DCLK2: variants seen among roughly 807,000 people sequenced by gnomAD.
DCLK2 encodes doublecortin like kinase 2.
DCLK2 carries 31 observed loss-of-function variants against 78.4 expected under a neutral mutation model. That is an observed-to-expected ratio of 0.40 (90% CI 0.30 to 0.53). The LOEUF is 0.53. Among genes scored for constraint, DCLK2 ranks in the 20% least tolerant of loss-of-function variants. DCLK2 has a pLI of 0.61. For synonymous variants in DCLK2, 407 were observed against 374.9 expected, an observed-to-expected ratio of 1.09 and a Z score of -0.99; for missense variants, 872 against 973.7, an observed-to-expected ratio of 0.90 and a Z score of 1.39.
At position 150,218,204 on chromosome 4, in the gene DCLK2, G is replaced by A. The variant is rs369415095; in HGVS notation, c.1057-2499G>A. On this transcript the variant is annotated intron_variant, in intron 5 of 15. Coordinates refer to ENST00000296550, the MANE Select transcript of DCLK2 (RefSeq NM_001040260.4). The stretch of plus-strand genomic sequence containing the variant: ...GCTTCCATCACTTGTCCTGTTTCCT[G>A]GTCTCTTTCCCTGCTCCATGTCACC... Among the ~76,000 whole-genome samples, 36 of 150,070 alleles carry A rather than the reference G, an allele frequency of 2.4e-4. No individual in the cohort carries two copies. The East Asian group carries it at 4.9e-3, about 21-fold the overall frequency.
chr4:150,098,326 A>C (rs999187993), intron 1 of DCLK2, among the ~76,000 whole-genome samples: 3 of 152,190 alleles, frequency 2.0e-5, no homozygotes, highest in African/African-American at 7.2e-5. Context: ...ATAAAGTCTT[A>C]GAGTGACTTC....
chr4:150,216,184 T>C (rs1454374131), intron 5 of DCLK2, among the ~76,000 whole-genome samples: 1 of 152,208 alleles, frequency 6.6e-6, no homozygotes, highest in Non-Finnish European at 1.5e-5. Flanking sequence ...ATCAAAGAAG[T>C]TTACCATAGG....
chr4:150,092,093 A>G (rs772528916), intron 1 of DCLK2, among the ~76,000 whole-genome samples: 2 of 152,184 alleles, frequency 1.3e-5, no homozygotes, highest in Non-Finnish European at 2.9e-5. Context: ...TTCATTTAAC[A>G]TAATGTCCCC....
intron 7 of DCLK2, among the ~76,000 whole-genome samples, chr4:150,223,743 C>CAATA (rs59076501): frequency 0.51 from 75,369 of 146,740 alleles, 20,588 homozygotes; most frequent in Non-Finnish European, 0.63. Context: ...GACTCTCTCT[C>CAATA]AATAAATAAA....
Position 150,239,797 on chromosome 4 carries a change from C to A in DCLK2, c.1622C>A (p.Ala541Glu). ...TTGAAACTGGGAGACTTTGGGCTTG[C>A]GACTGTGGTAGAAGGCCCTTTATAC... Reference protein sequence around the residue: ...KSLKLGDFGLATVVEGPLYTV... With the variant: ...KSLKLGDFGLETVVEGPLYTV... Residue 541 changes from alanine (A) to glutamate (E), a missense_variant, in exon 11 of 16, where the codon GCG becomes GAG. By Grantham distance (107) the Ala-to-Glu change is moderately radical (BLOSUM62 -1). This residue lies in a region of DCLK2 where 86 missense variants were observed against 150.3 expected (regional missense o/e 0.57). Coordinates refer to ENST00000296550, the MANE Select transcript of DCLK2 (RefSeq NM_001040260.4). The A allele has an allele frequency of 1.2e-6, 2 of 1,614,160 alleles. No individual in the cohort carries two copies. The highest frequency in any genetic ancestry group is 1.7e-6 in the Non-Finnish European group (2 of 1,180,024).
chr4:150,183,057 T>C (rs1360620863), intron 2 of DCLK2, among the ~76,000 whole-genome samples: 1 of 152,186 alleles, frequency 6.6e-6, no homozygotes, highest in African/African-American at 2.4e-5. Context: ...ATACTCCTGA[T>C]ATCTATCTTC....
chr4:150,219,717 GTTACTACCTCCATT>G (rs1415093719), intron 5 of DCLK2, among the ~76,000 whole-genome samples: 1 of 152,202 alleles, frequency 6.6e-6, no homozygotes, highest in East Asian at 1.9e-4. Flanking sequence ...GTTGGGCACT[GTTACTACCTCCATT>G]TTTAGGGGAG....
intron 2 of DCLK2, among the ~76,000 whole-genome samples, chr4:150,169,059 G>A (rs536211411): frequency 1.6e-5 from 2 of 126,982 alleles, no homozygotes; most frequent in South Asian, 2.4e-4. Context: ...CCCACCCCCC[G>A]TAATTCCTTG....
Position 150,177,786 on chromosome 4 carries a change from C to G in DCLK2, c.757-15352C>G, listed in dbSNP as rs541738964. 5.3e-5 allele frequency among the ~76,000 whole-genome samples: 8 copies of G among 152,180 alleles called. No individual in the cohort carries two copies. The East Asian group carries it at 1.5e-3, about 29-fold the overall frequency. On this transcript the variant is annotated intron_variant, in intron 2 of 15. Coordinates refer to ENST00000296550, the MANE Select transcript of DCLK2 (RefSeq NM_001040260.4). ...ACTTACATAAAAGTTTTGAAACATA[C>G]CAAATAATATTCCTGGTTGTCTGTG...
intron 2 of DCLK2, among the ~76,000 whole-genome samples, chr4:150,125,832 A>G (rs1386181702): frequency 6.6e-6 from 1 of 152,114 alleles, no homozygotes; most frequent in African/African-American, 2.4e-5. Flanking sequence ...CGGAGGTTGC[A>G]GTGAGCTGAG....
At chr4:150,138,697 C>T (rs1733876377) in intron 2 of DCLK2, among the ~76,000 whole-genome samples, 1 of 152,040 alleles carries the variant, frequency 6.6e-6, no homozygotes, top group Admixed American at 6.6e-5. Flanking sequence ...GATGGAGTCT[C>T]ACTCTGTCAC....
chr4:150,125,342 T>C (rs1732845502), intron 2 of DCLK2, among the ~76,000 whole-genome samples: 1 of 151,962 alleles, frequency 6.6e-6, no homozygotes, highest in African/African-American at 2.4e-5. Flanking sequence ...GAATATGTTA[T>C]GTAGTATAAT....
At chr4:150,213,498 C>A (rs1580728643) in intron 5 of DCLK2, among the ~76,000 whole-genome samples, 2 of 152,086 alleles carry the variant, frequency 1.3e-5, no homozygotes, top group African/African-American at 4.8e-5. Context: ...TAATACTTTA[C>A]ACTGGATTTT....
At chr4:150,099,751 G>A in intron 1 of DCLK2, among the ~76,000 whole-genome samples, 1 of 152,144 alleles carries the variant, frequency 6.6e-6, no homozygotes, top group East Asian at 1.9e-4. Flanking sequence ...AAAGAAAACA[G>A]GGCCATGGGT....
chr4:150,091,230 G>A (rs2150139273), intron 1 of DCLK2, among the ~76,000 whole-genome samples: 1 of 152,322 alleles, frequency 6.6e-6, no homozygotes, highest in East Asian at 1.9e-4. Context: ...GCTTGATGAA[G>A]GGTATCGAAT....
At chr4:150,245,099 A>G (rs1743204465) in intron 12 of DCLK2, among the ~76,000 whole-genome samples, 1 of 152,244 alleles carries the variant, frequency 6.6e-6, no homozygotes, top group African/African-American at 2.4e-5. Flanking sequence ...GAAGTTTTCC[A>G]CTAAATCTAA....
In DCLK2 at chr4:150,198,913, C is replaced by T. The variant is rs952074889; in HGVS notation, c.961+810C>T. ...ATTCGCCCTTTCCCCTTTCAGCACC[C>T]CCCCCCCCACTTTCTGTAGGGCAGG... On this transcript the variant is annotated intron_variant, in intron 4 of 15. Transcript: ENST00000296550. The T allele has an allele frequency of 4.8e-4, 271 of 561,408 alleles. 12 individuals carry two copies. The highest frequency in any genetic ancestry group is 4.7e-3 in the African/African-American group (246 of 52,862). 34.8% of individuals were successfully genotyped at this position (561,408 alleles called of 1,614,324 possible).
intron 8 of DCLK2, among the ~76,000 whole-genome samples, chr4:150,228,871 A>G (rs1741814152): frequency 6.6e-6 from 1 of 151,764 alleles, no homozygotes; most frequent in Admixed American, 6.6e-5. Context: ...CTAAAAATAC[A>G]AAAAATTAGC....
chr4:150,193,952 A>G (rs1289779625), intron 3 of DCLK2, among the ~76,000 whole-genome samples: 7 of 150,496 alleles, frequency 4.7e-5, no homozygotes, highest in South Asian at 2.1e-4. Context: ...GGGTCTTGCT[A>G]TGTTGCCCAG....
Sources: allele counts gnomAD v4.1 joint callset (sites outside exome capture counted in the v4.1 genomes callset), GRCh38; gene constraint gnomAD v4.1.1; regional missense constraint gnomAD v4.1.1; transcripts MANE v1.5; gene names NCBI Gene and HGNC (gene_info 2026-07-23, HGNC 2026-07-21).